Variants in SGCD observed in about 807,000 individuals in gnomAD.
SGCD encodes the protein sarcoglycan delta, also known as delta-sarcoglycan.
Under a neutral mutation model 36.6 loss-of-function variants are expected in SGCD, and 18 were observed. The observed-to-expected ratio is 0.49, with a 90% confidence interval of 0.34 to 0.73. The LOEUF is 0.73. Among genes scored for constraint, SGCD ranks in the 30% least tolerant of loss-of-function variants. The pLI is 0.01. For synonymous variants in SGCD, 133 were observed against 130.6 expected (o/e 1.02, Z -0.12); for missense variants, 387 against 346.7 (o/e 1.12, Z -0.92).
intron 7 of SGCD, among the ~76,000 whole-genome samples, chr5:156,650,468 G>C (rs187427136): frequency 1.3e-4 from 20 of 152,188 alleles, no homozygotes; most frequent in Admixed American, 3.9e-4. Flanking sequence ...CCAATAGGTA[G>C]TTTTTCAGCC....
intron 1 of SGCD, among the ~76,000 whole-genome samples, chr5:156,044,215 T>C (rs569145174): frequency 6.6e-6 from 1 of 151,998 alleles, no homozygotes; most frequent in Admixed American, 6.6e-5. Context: ...ACATTTCAGG[T>C]AGGAGGGAGT....
chr5:156,157,957 T>A (rs985598174), intron 3 of SGCD, among the ~76,000 whole-genome samples: 3 of 151,684 alleles, frequency 2.0e-5, no homozygotes, highest in African/African-American at 7.3e-5. Flanking sequence ...TATGTTCAAA[T>A]GTTAAAATTA....
chr5:155,792,664 T>G, the SGCD span, among the ~76,000 whole-genome samples: 19 of 152,016 alleles, frequency 1.2e-4, no homozygotes, highest in Non-Finnish European at 2.1e-4. Flanking sequence ...ATGCTCAACA[T>G]CACTAGTCAT....
chr5:156,517,123 A>G (rs894652812), intron 4 of SGCD, among the ~76,000 whole-genome samples: 1 of 152,222 alleles, frequency 6.6e-6, no homozygotes. Context: ...TGTTAACCAG[A>G]ATAACCAGTT....
At chr5:155,752,276 A>G in the SGCD span, among the ~76,000 whole-genome samples, 1 of 152,182 alleles carries the variant, frequency 6.6e-6, no homozygotes, top group Non-Finnish European at 1.5e-5. Context: ...AACTCTTCCA[A>G]GGCTTTCCAT....
chr5:156,168,882 C>T (rs1763275392), intron 3 of SGCD, among the ~76,000 whole-genome samples: 1 of 152,216 alleles, frequency 6.6e-6, no homozygotes, highest in African/African-American at 2.4e-5. Context: ...ACACATGCGC[C>T]ATGAGCAGTC....
intron 4 of SGCD, among the ~76,000 whole-genome samples, chr5:156,543,252 C>T (rs1160297840): frequency 6.6e-6 from 1 of 152,186 alleles, no homozygotes; most frequent in African/African-American, 2.4e-5. Context: ...CCCATATACA[C>T]TAGTCATGAC....
At chr5:155,913,497 T>C (rs1756674004) in intron 1 of SGCD, among the ~76,000 whole-genome samples, 1 of 152,194 alleles carries the variant, frequency 6.6e-6, no homozygotes, top group African/African-American at 2.4e-5. Context: ...ATCAACCTCT[T>C]CAGTCTGACC....
At chr5:155,964,848 C>G (rs1166184826) in intron 1 of SGCD, among the ~76,000 whole-genome samples, 1 of 152,106 alleles carries the variant, frequency 6.6e-6, no homozygotes, top group African/African-American at 2.4e-5. Flanking sequence ...TTGCCCAGCT[C>G]TGCTACATAA....
At chr5:156,229,835 C>T (rs1183784135) in intron 3 of SGCD, among the ~76,000 whole-genome samples, 1 of 152,092 alleles carries the variant, frequency 6.6e-6, no homozygotes, top group African/African-American at 2.4e-5. Flanking sequence ...TCTCAGACTT[C>T]TTGGAAGCTT....
intron 7 of SGCD, among the ~76,000 whole-genome samples, chr5:156,682,181 A>G (rs157457): frequency 0.028 from 4,315 of 152,336 alleles, 189 homozygotes; most frequent in East Asian, 0.17. Flanking sequence ...AAGAGAGAAA[A>G]GATAACGTAG....
At chr5:155,799,272 T>C in the SGCD span, among the ~76,000 whole-genome samples, 1 of 152,206 alleles carries the variant, frequency 6.6e-6, no homozygotes, top group African/African-American at 2.4e-5. Context: ...CCAATAATAA[T>C]CACTAATCCT....
At chr5:155,749,425 C>T in the SGCD span, among the ~76,000 whole-genome samples, 144 of 152,246 alleles carry the variant, frequency 9.5e-4, 1 homozygote, top group Middle Eastern at 0.027. Flanking sequence ...ACAGTTGATT[C>T]GGTTTTGAAC....
At chr5:155,896,279 A>G (rs534067493) in intron 1 of SGCD, among the ~76,000 whole-genome samples, 2 of 152,226 alleles carry the variant, frequency 1.3e-5, no homozygotes, top group South Asian at 2.1e-4. Context: ...TAACTTGAAC[A>G]CTTTAGCCTT....
intron 7 of SGCD, among the ~76,000 whole-genome samples, chr5:156,683,132 A>AGAT: frequency 6.6e-6 from 1 of 152,350 alleles, no homozygotes; most frequent in East Asian, 1.9e-4. Context: ...CAGATGTCCG[A>AGAT]GATATATAGA....
intron 7 of SGCD, among the ~76,000 whole-genome samples, chr5:156,711,863 G>A (rs1755008995): frequency 6.6e-6 from 1 of 152,122 alleles, no homozygotes; most frequent in South Asian, 2.1e-4. Context: ...ACAAAAGAAT[G>A]GCTACTCCAT....
At chr5:156,231,823 G>A (rs549714323) in intron 3 of SGCD, among the ~76,000 whole-genome samples, 2 of 152,286 alleles carry the variant, frequency 1.3e-5, no homozygotes, top group South Asian at 2.1e-4. Context: ...TCAGGAGAAA[G>A]GGAAGCTTGC....
intron 1 of SGCD, among the ~76,000 whole-genome samples, chr5:156,045,211 T>G (rs1156832797): frequency 6.6e-6 from 1 of 152,098 alleles, no homozygotes; most frequent in Admixed American, 6.5e-5. Flanking sequence ...AAATCCAACT[T>G]CTTAATACCA....
intron 3 of SGCD, among the ~76,000 whole-genome samples, chr5:156,466,747 A>C (rs746279275): frequency 4.6e-5 from 7 of 152,224 alleles, no homozygotes; most frequent in Non-Finnish European, 1.0e-4. Context: ...AGTATCCACA[A>C]TACTTTTAGA....
Sources: gnomAD v4.1 joint callset for allele counts (sites outside exome capture counted in the v4.1 genomes callset) on GRCh38, gnomAD v4.1.1 for gene constraint, MANE v1.5 for transcripts, NCBI Gene and HGNC (gene_info 2026-07-23, HGNC 2026-07-21) for gene names.